Variants in ALMS1 observed in about 807,000 individuals in gnomAD.
ALMS1 encodes centrosome-associated protein ALMS1.
Under a neutral mutation model 352.2 loss-of-function variants are expected in ALMS1, and 271 were observed. That is an observed-to-expected ratio of 0.77 (90% confidence interval 0.70 to 0.85). The LOEUF (loss-of-function observed/expected upper bound fraction) is 0.85, where lower values mean the gene tolerates loss of function less well. Among genes scored for constraint, ALMS1 ranks in the 40% least tolerant of loss-of-function variants. The probability of loss-of-function intolerance (pLI) is 0.00; values close to 1 mark genes in which losing one functional copy is unlikely to be tolerated. For missense variants in ALMS1, 5,445 were observed against 4,870.7 expected (o/e 1.12, Z -3.51); for synonymous variants, 1,865 against 1,761.2 (o/e 1.06, Z -1.48).
At position 73,572,621 on chromosome 2, in the gene ALMS1, A is replaced by G; in HGVS notation, c.10744A>G (p.Arg3582Gly). The part of the protein sequence containing the change: ...KHNGQISDPQ[R>G]DQKVTPEQTT... ...TAATGGACAAATTAGTGATCCACAA[A>G]GGGATCAGAAGGTCACCCCAGAGCA... Residue 3582 changes from arginine to glycine, a missense_variant, in exon 16 of 23, where the codon AGG (arginine) becomes GGG (glycine). Arg to Gly is a moderately radical substitution (Grantham distance 125, BLOSUM62 -2). Transcript: ENST00000613296. 1 of 1,614,024 alleles carries G rather than the reference A, an allele frequency of 6.2e-7. No homozygotes were observed. Among genetic ancestry groups the G allele is most frequent in the Non-Finnish European group, 8.5e-7 (1 of 1,179,990 alleles).
chr2:73,598,945 C>T (rs945684302), intron 16 of ALMS1, among the ~76,000 whole-genome samples: 1 of 152,274 alleles, frequency 6.6e-6, no homozygotes, highest in East Asian at 1.9e-4. Context: ...GGACGTCTCA[C>T]GAGCCTTGTA....
intron 13 of ALMS1, among the ~76,000 whole-genome samples, chr2:73,551,809 T>C (rs1462914825): frequency 2.6e-5 from 4 of 152,192 alleles, no homozygotes; most frequent in Admixed American, 2.0e-4. Context: ...GATGATAATA[T>C]TTATTAAATG....
At position 73,599,401 on chromosome 2, in the gene ALMS1, G is replaced by A. The variant is rs759185777; in HGVS notation, c.11548G>A (p.Val3850Ile). The A allele has an allele frequency of 4.3e-6, 7 of 1,612,678 alleles. No individual in the cohort carries two copies. The highest frequency in any genetic ancestry group is 4.2e-6 in the Non-Finnish European group (5 of 1,179,662). The stretch of plus-strand genomic sequence containing the variant: ...AACAAGATCTCTTTTATTTTTCTAG[G>A]TAGCAAACCATGTGATTTCTTCTGA... ...SEHTRRRHIQ[V>I]ANHVISSDSI... The change falls in exon 17 of 23, where the codon GTA becomes ATA. Residue 3850 changes from valine to isoleucine, a missense_variant and splice_region_variant. By Grantham distance (29) the Val-to-Ile change is conservative (BLOSUM62 3). Transcript: ENST00000613296.
intron 13 of ALMS1, among the ~76,000 whole-genome samples, chr2:73,551,674 G>A (rs1674438177): frequency 6.6e-6 from 1 of 151,708 alleles, no homozygotes; most frequent in Admixed American, 6.6e-5. Flanking sequence ...GACCTCAGAT[G>A]ATCTGCCTGC....
rs759969215 is a variant in ALMS1 at position 73,452,435 on chromosome 2, G to T, written c.5908G>T (p.Val1970Phe). Residue 1970 changes from valine to phenylalanine, a missense_variant, in exon 8 of 23, where the codon GTT becomes TTT. By Grantham distance (50) the Val-to-Phe change is conservative. Coordinates refer to ENST00000613296, the MANE Select transcript of ALMS1 (RefSeq NM_001378454.1). ...LTEEALKVSP[V>F]SIPAEQKTGI... ...AGAAGAGGCTCTGAAAGTTTCACCTGTTTCTATACCAGCAGAGCAGAAGAC... is the reference window on the plus strand; with the variant it reads ...AGAAGAGGCTCTGAAAGTTTCACCTTTTTCTATACCAGCAGAGCAGAAGAC... 1.2e-6 allele frequency: 2 copies of T among 1,614,040 alleles called. No individual in the cohort carries two copies. The highest frequency in any genetic ancestry group is 1.7e-6 in the Non-Finnish European group (2 of 1,179,996).
At chr2:73,559,673 C>A (rs1674618046) in intron 15 of ALMS1, among the ~76,000 whole-genome samples, 1 of 152,088 alleles carries the variant, frequency 6.6e-6, no homozygotes. Context: ...AGTCAAGGAG[C>A]TAAACTACCC....
At chr2:73,456,250 A>G (rs1672056984) in intron 9 of ALMS1, among the ~76,000 whole-genome samples, 1 of 152,170 alleles carries the variant, frequency 6.6e-6, no homozygotes, top group Non-Finnish European at 1.5e-5. Context: ...AATATGATAC[A>G]TATTCTTTTG....
intron 15 of ALMS1, among the ~76,000 whole-genome samples, chr2:73,568,677 A>G (rs1674852640): frequency 6.6e-6 from 1 of 152,224 alleles, no homozygotes. Flanking sequence ...TTTACTGTTC[A>G]TATTAAATTT....
chr2:73,399,988 A>AGTGCAGTG (rs1338289909), intron 1 of ALMS1, among the ~76,000 whole-genome samples: 1 of 145,136 alleles, frequency 6.9e-6, no homozygotes, highest in East Asian at 2.0e-4. Flanking sequence ...CCCAGGCTAG[A>AGTGCAGTG]GTGCAGTGTT....
chr2:73,581,930 G>C (rs903513427), intron 16 of ALMS1, among the ~76,000 whole-genome samples: 2 of 152,036 alleles, frequency 1.3e-5, no homozygotes, highest in Non-Finnish European at 2.9e-5. Context: ...TTTTAGTAGA[G>C]ACAGGGTTTC....
intron 7 of ALMS1, among the ~76,000 whole-genome samples, chr2:73,435,506 A>G (rs559140811): frequency 6.6e-6 from 1 of 150,984 alleles, no homozygotes; most frequent in Non-Finnish European, 1.5e-5. Flanking sequence ...CTAGTATGGT[A>G]CAGAAACTTT....
intron 1 of ALMS1, among the ~76,000 whole-genome samples, chr2:73,389,414 T>G (rs1246535606): frequency 6.6e-6 from 1 of 152,192 alleles, no homozygotes; most frequent in Admixed American, 6.5e-5. Context: ...GTTGGTAGTT[T>G]ATTTTGCTGT....
intron 9 of ALMS1, among the ~76,000 whole-genome samples, chr2:73,474,062 C>G (rs2103848941): frequency 6.6e-6 from 1 of 152,094 alleles, no homozygotes; most frequent in South Asian, 2.1e-4. Flanking sequence ...ACATTATAGT[C>G]AAATTGTTAA....
rs370978261 is a variant in ALMS1, at chr2:73,448,970, G to C, written c.2443G>C (p.Glu815Gln). 12 of 1,613,930 alleles carry C rather than the reference G, an allele frequency of 7.4e-6. No individual in the cohort carries two copies. The South Asian group carries it at 8.8e-5, about 12-fold the overall frequency. Reference protein sequence around the residue: ...TVPSSAYSHREKLLVFYQQAL... With the variant: ...TVPSSAYSHRQKLLVFYQQAL... The stretch of plus-strand genomic sequence containing the variant: ...ACCCTCTAGTGCATACTCACACAGA[G>C]AGAAGCTCCTTGTTTTCTACCAACA... Residue 815 changes from glutamate to glutamine, a missense_variant, in exon 8 of 23, where the codon GAG (glutamate) becomes CAG (glutamine). Coordinates refer to ENST00000613296, the MANE Select transcript of ALMS1 (RefSeq NM_001378454.1).
At chr2:73,545,251 G>A (rs1178785051) in intron 12 of ALMS1, among the ~76,000 whole-genome samples, 1 of 149,690 alleles carries the variant, frequency 6.7e-6, no homozygotes, top group African/African-American at 2.5e-5. Flanking sequence ...CACAATCTCA[G>A]CTCACTGCAG....
At chr2:73,418,844 A>G (rs961504911) in intron 2 of ALMS1, among the ~76,000 whole-genome samples, 4 of 152,160 alleles carry the variant, frequency 2.6e-5, no homozygotes, top group East Asian at 1.9e-4. Flanking sequence ...ATGAATTTCT[A>G]TTTCACAAGG....
intron 7 of ALMS1, among the ~76,000 whole-genome samples, chr2:73,437,202 T>C (rs369962312): frequency 2.0e-5 from 3 of 152,202 alleles, no homozygotes; most frequent in Non-Finnish European, 4.4e-5. Flanking sequence ...TCTGTTCTTA[T>C]GGCTTGCCTC....
chr2:73,532,337 T>C (rs569550354), intron 11 of ALMS1, among the ~76,000 whole-genome samples: 29 of 152,328 alleles, frequency 1.9e-4, no homozygotes, highest in Middle Eastern at 6.8e-3. Flanking sequence ...GGGTGGCGAT[T>C]TCCCCCTGGC....
chr2:73,409,744 A>T (rs949763512), intron 2 of ALMS1, among the ~76,000 whole-genome samples: 1 of 152,148 alleles, frequency 6.6e-6, no homozygotes, highest in Non-Finnish European at 1.5e-5. Context: ...ATCTGTGTGT[A>T]TGTGTATATA....
Sources: allele counts gnomAD v4.1 joint callset (sites outside exome capture counted in the v4.1 genomes callset), GRCh38; gene constraint gnomAD v4.1.1; transcripts MANE v1.5; gene names NCBI Gene and HGNC (gene_info 2026-07-23, HGNC 2026-07-21).